PRKG1: variants seen among roughly 807,000 people sequenced by gnomAD.
PRKG1 encodes cGMP-dependent protein kinase 1.
In PRKG1, 35 loss-of-function variants were observed where a neutral mutation model predicts 88.1. The observed-to-expected ratio is 0.40, with a 90% confidence interval of 0.30 to 0.53. The LOEUF is 0.53. Ranked by LOEUF, PRKG1 falls within the 20% of genes least tolerant of loss-of-function variation. The probability of loss-of-function intolerance (pLI) is 0.59; values close to 1 mark genes in which losing one functional copy is unlikely to be tolerated. For synonymous variants in PRKG1, 303 were observed against 292.5 expected, an observed-to-expected ratio of 1.04 and a Z score of -0.37; for missense variants, 540 against 839.8, an observed-to-expected ratio of 0.64 and a Z score of 4.41.
intron 2 of PRKG1, among the ~76,000 whole-genome samples, chr10:51,449,115 C>G (rs1033405097): frequency 1.3e-5 from 2 of 151,708 alleles, no homozygotes; most frequent in Non-Finnish European, 2.9e-5. Context: ...GTAATATTTC[C>G]CAGGACTTGT....
intron 1 of PRKG1, among the ~76,000 whole-genome samples, chr10:51,031,547 A>C (rs1358602661): frequency 1.3e-5 from 2 of 152,188 alleles, no homozygotes; most frequent in African/African-American, 4.8e-5. Flanking sequence ...ATGAGGAAGA[A>C]GGAAACGTAT....
At chr10:51,934,250 A>G (rs1490781379) in intron 5 of PRKG1, among the ~76,000 whole-genome samples, 1 of 121,116 alleles carries the variant, frequency 8.3e-6, no homozygotes, top group Non-Finnish European at 1.9e-5. Context: ...GATTACACAC[A>G]CATACCCCCC....
intron 5 of PRKG1, among the ~76,000 whole-genome samples, chr10:51,925,218 G>GA: frequency 1.1e-5 from 1 of 90,816 alleles, no homozygotes; most frequent in Non-Finnish European, 2.3e-5. Context: ...TGTCTGTTTG[G>GA]CAAGAAGTTA....
At chr10:51,355,172 C>T (rs1437142850) in intron 2 of PRKG1, among the ~76,000 whole-genome samples, 1 of 151,974 alleles carries the variant, frequency 6.6e-6, no homozygotes, top group Non-Finnish European at 1.5e-5. Context: ...CATAATAAGT[C>T]CTCAGTAAAG....
At chr10:51,288,283 G>A (rs1003482873) in intron 2 of PRKG1, among the ~76,000 whole-genome samples, 40 of 151,862 alleles carry the variant, frequency 2.6e-4, no homozygotes, top group African/African-American at 9.2e-4. Flanking sequence ...TTTTTTGTGG[G>A]GATTTTAAAC....
At chr10:51,117,299 A>G (rs1037715423) in intron 1 of PRKG1, among the ~76,000 whole-genome samples, 5 of 152,182 alleles carry the variant, frequency 3.3e-5, no homozygotes, top group African/African-American at 1.2e-4. Context: ...AATTCTCCTT[A>G]TTGGGAAAGT....
intron 9 of PRKG1, among the ~76,000 whole-genome samples, chr10:52,206,968 G>A (rs936319966): frequency 2.6e-5 from 4 of 152,216 alleles, no homozygotes; most frequent in South Asian, 4.1e-4. Context: ...GGTAAAAGTC[G>A]GTTGGCAGTG....
At chr10:52,286,056 C>T (rs1401093719) in intron 14 of PRKG1, among the ~76,000 whole-genome samples, 1 of 151,976 alleles carries the variant, frequency 6.6e-6, no homozygotes, top group Admixed American at 6.6e-5. Flanking sequence ...AGAATTGACT[C>T]AGTATATCCT....
chr10:51,890,791 A>G (rs1467344246), intron 4 of PRKG1, among the ~76,000 whole-genome samples: 6 of 152,122 alleles, frequency 3.9e-5, no homozygotes, highest in Non-Finnish European at 8.8e-5. Flanking sequence ...CCCCTTCTCT[A>G]CTAAAAATAC....
intron 2 of PRKG1, among the ~76,000 whole-genome samples, chr10:51,326,665 T>C (rs889548876): frequency 3.9e-5 from 6 of 152,340 alleles, no homozygotes; most frequent in African/African-American, 1.4e-4. Flanking sequence ...ACAAAGTTAC[T>C]TTCAACATAA....
At chr10:52,136,670 A>G (rs769683007) in intron 8 of PRKG1, among the ~76,000 whole-genome samples, 7 of 152,096 alleles carry the variant, frequency 4.6e-5, no homozygotes, top group Non-Finnish European at 1.0e-4. Flanking sequence ...CAAAATTATA[A>G]AATTGATTTG....
chr10:51,602,613 C>T lies in PRKG1; in HGVS notation c.592+134777C>T, dbSNP rs559787347. 2.0e-5 allele frequency among the ~76,000 whole-genome samples: 3 copies of T among 151,672 alleles called. No homozygotes were observed. The East Asian group carries it at 5.8e-4, about 30-fold the overall frequency. On this transcript the variant is annotated intron_variant, in intron 3 of 17. Coordinates refer to ENST00000373980, the MANE Select transcript of PRKG1 (RefSeq NM_006258.4). ...TATTTTTTGTAAAGACAGGGTCTAC[C>T]TATGTTGCCCAGGCTGGTCTCAAAC...
intron 3 of PRKG1, among the ~76,000 whole-genome samples, chr10:51,787,852 G>T (rs991705451): frequency 6.6e-6 from 1 of 152,098 alleles, no homozygotes; most frequent in Admixed American, 6.6e-5. Flanking sequence ...ACTCAGTTTT[G>T]AGGCTTATTA....
At chr10:51,260,269 A>G (rs1237772887) in intron 2 of PRKG1, among the ~76,000 whole-genome samples, 2 of 152,178 alleles carry the variant, frequency 1.3e-5, no homozygotes, top group Non-Finnish European at 2.9e-5. Flanking sequence ...TGCTATTCTG[A>G]TTTAGTTTTG....
At chr10:51,067,880 C>A (rs993899900) in intron 1 of PRKG1, among the ~76,000 whole-genome samples, 1 of 151,968 alleles carries the variant, frequency 6.6e-6, no homozygotes, top group African/African-American at 2.4e-5. Flanking sequence ...AAATCTGGAA[C>A]ACTAATATTT....
intron 3 of PRKG1, among the ~76,000 whole-genome samples, chr10:51,595,156 A>G (rs1838412284): frequency 6.6e-6 from 1 of 152,128 alleles, no homozygotes. Context: ...AGACCAGTCT[A>G]GGCAACATAG....
At chr10:51,701,961 T>C (rs1031855596) in intron 3 of PRKG1, among the ~76,000 whole-genome samples, 6 of 152,158 alleles carry the variant, frequency 3.9e-5, no homozygotes, top group Non-Finnish European at 8.8e-5. Context: ...ATGCTGCTGG[T>C]TTGGAGATCT....
intron 3 of PRKG1, among the ~76,000 whole-genome samples, chr10:51,787,222 A>G (rs1056022553): frequency 6.6e-6 from 1 of 152,184 alleles, no homozygotes; most frequent in East Asian, 1.9e-4. Flanking sequence ...AAAGCCTTTT[A>G]AGTAAAGCCC....
At chr10:51,154,542 A>G (rs1229555783) in intron 2 of PRKG1, among the ~76,000 whole-genome samples, 1 of 152,036 alleles carries the variant, frequency 6.6e-6, no homozygotes, top group Non-Finnish European at 1.5e-5. Flanking sequence ...ACCACAACAT[A>G]ATAATAAGTA....
Sources: gnomAD v4.1 joint callset for allele counts (sites outside exome capture counted in the v4.1 genomes callset) on GRCh38, gnomAD v4.1.1 for gene constraint, MANE v1.5 for transcripts, NCBI Gene and HGNC (gene_info 2026-07-23, HGNC 2026-07-21) for gene names.